Variants in TOMM20 observed in about 807,000 individuals in gnomAD.
The protein encoded by TOMM20 is translocase of outer mitochondrial membrane 20.
TOMM20 carries 10 observed loss-of-function variants against 22.1 expected under a neutral mutation model. The ratio of observed to expected loss-of-function variants is 0.45; its 90% confidence interval spans 0.28 to 0.77. TOMM20 has a LOEUF of 0.77. TOMM20 is among the 30% of genes least tolerant of loss of function. The pLI is 0.13. For missense variants in TOMM20, 121 were observed against 172.2 expected (o/e 0.70, Z 1.66); for synonymous variants, 55 against 61.4 (o/e 0.90, Z 0.49).
At chr1:235,112,482 C>G (rs993326878) in intron 4 of TOMM20, among the ~76,000 whole-genome samples, 1 of 152,168 alleles carries the variant, frequency 6.6e-6, no homozygotes, top group Non-Finnish European at 1.5e-5. Flanking sequence ...GCTGGAACCA[C>G]AGACTCATGC....
chr1:235,122,811 A>G (rs1660949329), intron 1 of TOMM20, among the ~76,000 whole-genome samples: 1 of 152,244 alleles, frequency 6.6e-6, no homozygotes, highest in South Asian at 2.1e-4. Flanking sequence ...GAAAAAATCT[A>G]AAGTGTACAG....
intron 1 of TOMM20, among the ~76,000 whole-genome samples, chr1:235,125,550 A>G (rs1661001084): frequency 6.6e-6 from 1 of 152,090 alleles, no homozygotes; most frequent in Non-Finnish European, 1.5e-5. Context: ...AAGAAAGCCA[A>G]TGAGCTACAT....
intron 3 of TOMM20, among the ~76,000 whole-genome samples, chr1:235,117,984 C>T (rs917990087): frequency 2.6e-5 from 4 of 152,142 alleles, no homozygotes; most frequent in African/African-American, 7.2e-5. Context: ...ACAAGGGATC[C>T]GACCCAGGGC....
At position 235,128,670 on chromosome 1, in the gene TOMM20, G is replaced by C. The variant is rs2102815517; in HGVS notation, c.46C>G (p.Leu16Val). 1 of 1,614,104 alleles carries C rather than the reference G, an allele frequency of 6.2e-7. No individual in the cohort carries two copies. The highest frequency in any genetic ancestry group is 8.5e-7 in the Non-Finnish European group (1 of 1,179,960). Residue 16 changes from leucine (L) to valine (V), a missense_variant, in exon 1 of 5, where the codon CTT becomes GTT. By Grantham distance (32) the Leu-to-Val change is conservative (BLOSUM62 1). Transcript: ENST00000366607. ...SAIAAGVCGALFIGYCIYFDR... is the reference protein window; with the variant it reads ...SAIAAGVCGAVFIGYCIYFDR... Reference sequence around the variant, plus strand: ...AAGTAGATGCAGTACCCAATGAAAAGGGCCCCGCATACACCGGCGGCGATG... The same window carrying C: ...AAGTAGATGCAGTACCCAATGAAAACGGCCCCGCATACACCGGCGGCGATG...
intron 2 of TOMM20, among the ~76,000 whole-genome samples, chr1:235,120,869 C>A (rs866245488): frequency 0.011 from 1,057 of 99,898 alleles, no homozygotes; most frequent in East Asian, 0.017. Context: ...GACCCTGTCT[C>A]AAAAAAAAAA....
chr1:235,128,082 G>A (rs1661061873), intron 1 of TOMM20: 1 of 333,796 alleles, frequency 3.0e-6, no homozygotes, highest in African/African-American at 2.2e-5. Context: ...ACTGAGGCAG[G>A]AGAAGCGCTT....
At chr1:235,127,225 T>A (rs934379912) in intron 1 of TOMM20, among the ~76,000 whole-genome samples, 1 of 152,186 alleles carries the variant, frequency 6.6e-6, no homozygotes, top group Non-Finnish European at 1.5e-5. Flanking sequence ...GCATTTCCTA[T>A]GTCAGAAAAC....
In TOMM20 at chr1:235,126,817, A is replaced by C. The variant is rs1041929546; in HGVS notation, c.121+1778T>G. The stretch of plus-strand genomic sequence containing the variant: ...TCAAACAAACAAACAACAACAACAA[A>C]AAATCTCTAGCATTCATCAATTACC... On this transcript the variant is annotated intron_variant, in intron 1 of 4. Transcript: ENST00000366607. Among the ~76,000 whole-genome samples, 3 of 152,162 alleles carry C rather than the reference A, an allele frequency of 2.0e-5. No individual in the cohort carries two copies. The South Asian group carries it at 6.2e-4, about 32-fold the overall frequency.
chr1:235,113,461 G>T (rs986105716), intron 4 of TOMM20, among the ~76,000 whole-genome samples: 24 of 152,124 alleles, frequency 1.6e-4, no homozygotes, highest in African/African-American at 5.3e-4. Context: ...GGAAGAGTAG[G>T]CAGAAAGCTA....
chr1:235,128,170 T>C (rs752612546), intron 1 of TOMM20, among the ~76,000 whole-genome samples: 76 of 151,982 alleles, frequency 5.0e-4, no homozygotes, highest in Non-Finnish European at 9.1e-4. Flanking sequence ...CGAGATTCCG[T>C]CTCAAAAAAA....
In TOMM20 at chr1:235,128,779, A is replaced by G. The variant is rs1368622186; in HGVS notation, c.-64T>C. The G allele has an allele frequency of 6.2e-7, 1 of 1,607,650 alleles. No homozygotes were observed. ...ACCGCGAAGGAGCGGTGGGCCACGA[A>G]CCCTCAGAGCGGTCGGCGCAGCTCA... On this transcript the variant is annotated 5_prime_UTR_variant, in exon 1 of 5. Coordinates refer to ENST00000366607, the MANE Select transcript of TOMM20 (RefSeq NM_014765.3).
chr1:235,110,020 G>A lies in TOMM20; in HGVS notation c.*2044C>T, dbSNP rs548044156. On this transcript the variant is annotated 3_prime_UTR_variant, in exon 5 of 5. Transcript: ENST00000366607. ...AAACTGCTGATTTTTTCTTTAACTCGACACAGCTAGCTTTAAAAAGTGGTA... is the reference window on the plus strand; with the variant it reads ...AAACTGCTGATTTTTTCTTTAACTCAACACAGCTAGCTTTAAAAAGTGGTA... 32 of 152,162 alleles carry A rather than the reference G, an allele frequency of 2.1e-4. No homozygotes were observed. The highest frequency in any genetic ancestry group is 5.8e-4 in the African/African-American group (24 of 41,502). 9.4% of individuals were successfully genotyped at this position (152,162 alleles called of 1,614,324 possible).
At position 235,111,123 on chromosome 1, in the gene TOMM20, GA is replaced by G. The variant is rs1375270342; in HGVS notation, c.*940del. 1 of 152,118 alleles carries G rather than the reference GA, an allele frequency of 6.6e-6. No homozygotes were observed. Among genetic ancestry groups the G allele is most frequent in the Non-Finnish European group, 1.5e-5 (1 of 68,038 alleles). The allele number at this position is 152,118 out of a possible 1,614,324, so 9.4% of individuals were successfully genotyped here. On this transcript the variant is annotated 3_prime_UTR_variant, in exon 5 of 5. Transcript: ENST00000366607. The stretch of plus-strand genomic sequence containing the variant: ...AGTGACAGAACCATATAATTTCAGT[GA>G]AAATCAAGATAGTTATACCATTAAA...
chr1:235,111,847 T>C lies in TOMM20; in HGVS notation c.*217A>G. ...CATGATATTTTAGTAACTCATAGTG[T>C]ATTTATAGAATGAAAAGTTCTCTAT... On this transcript the variant is annotated 3_prime_UTR_variant, in exon 5 of 5. Transcript: ENST00000366607. The C allele has an allele frequency of 1.9e-6, 1 of 524,676 alleles. No individual in the cohort carries two copies. Among genetic ancestry groups the C allele is most frequent in the South Asian group, 2.4e-5 (1 of 41,996 alleles). 32.5% of individuals were successfully genotyped at this position (524,676 alleles called of 1,614,324 possible). A position where few individuals can be genotyped will look rare whatever the true frequency, so the allele number is the denominator to read the frequency against.
intron 3 of TOMM20, among the ~76,000 whole-genome samples, chr1:235,114,439 CTTTTTTTTT>C (rs67573955): frequency 1.5e-5 from 2 of 131,606 alleles, no homozygotes; most frequent in African/African-American, 2.8e-5. Context: ...CTTATTTTTT[CTTTTTTTTT>C]TTTTTTTTGA....
intron 3 of TOMM20, among the ~76,000 whole-genome samples, chr1:235,117,035 T>C: frequency 7.3e-6 from 1 of 137,476 alleles, no homozygotes. Flanking sequence ...CTCGGGAGGC[T>C]GAGGCAGGAG....
chr1:235,123,282 C>T lies in TOMM20; in HGVS notation c.122-910G>A, dbSNP rs147766650. Among the ~76,000 whole-genome samples, 86 of 152,254 alleles carry T rather than the reference C, an allele frequency of 5.6e-4. 2 individuals are homozygous for T. In the East Asian group the frequency reaches 0.017, roughly 29 times the overall value. On this transcript the variant is annotated intron_variant, in intron 1 of 4. Transcript: ENST00000366607. Reference sequence around the variant, plus strand: ...CAGGCAGATCACAAGGTCAGGAGTTCGAGACCAGCCTGGCCAACATAGTGA... The same window carrying T: ...CAGGCAGATCACAAGGTCAGGAGTTTGAGACCAGCCTGGCCAACATAGTGA...
chr1:235,124,176 GTC>G (rs1553271221), intron 1 of TOMM20, among the ~76,000 whole-genome samples: 1 of 152,184 alleles, frequency 6.6e-6, no homozygotes, highest in Non-Finnish European at 1.5e-5. Flanking sequence ...GTGAAACCCC[GTC>G]TTTACTAAAA....
chr1:235,111,832 T>C lies in TOMM20; in HGVS notation c.*232A>G. ...GGAATAAACAAAATCCATGATATTT[T>C]AGTAACTCATAGTGTATTTATAGAA... On this transcript the variant is annotated 3_prime_UTR_variant, in exon 5 of 5. Transcript: ENST00000366607. 2.2e-6 allele frequency: 1 copy of C among 455,754 alleles called. No individual in the cohort carries two copies. The highest frequency in any genetic ancestry group is 3.9e-6 in the Non-Finnish European group (1 of 256,402). The allele number at this position is 455,754 out of a possible 1,614,324, so 28.2% of individuals were successfully genotyped here. A position where few individuals can be genotyped will look rare whatever the true frequency, so the allele number is the denominator to read the frequency against.
Sources: gnomAD v4.1 joint callset for allele counts (sites outside exome capture counted in the v4.1 genomes callset) on GRCh38, gnomAD v4.1.1 for gene constraint, MANE v1.5 for transcripts, NCBI Gene and HGNC (gene_info 2026-07-23, HGNC 2026-07-21) for gene names.